BET1: variants seen among roughly 807,000 people sequenced by gnomAD.
The protein encoded by BET1 is BET1 homolog.
A neutral mutation model predicts 13.9 loss-of-function variants in BET1; 9 were observed. The ratio of observed to expected loss-of-function variants is 0.65; its 90% confidence interval spans 0.39 to 1.13. BET1 has a LOEUF of 1.13. Among genes scored for constraint, BET1 ranks in the 50% most tolerant of loss-of-function variants. BET1 has a pLI of 0.01. For missense variants in BET1, 127 were observed against 133.6 expected (o/e 0.95, Z 0.24); for synonymous variants, 39 against 47.3 (o/e 0.82, Z 0.72).
At chr7:93,979,707 G>A (rs1795395578) in intron 4 of BET1, among the ~76,000 whole-genome samples, 1 of 152,150 alleles carries the variant, frequency 6.6e-6, no homozygotes, top group Non-Finnish European at 1.5e-5. Flanking sequence ...TTGGGAGGAA[G>A]TTTCCATCTC....
At chr7:93,975,809 C>T (rs73229333) in intron 5 of BET1, 5,682 of 520,382 alleles carry the variant, frequency 0.011, 49 homozygotes, top group Non-Finnish European at 0.013. Flanking sequence ...TCATGATGTT[C>T]TCTTTTAATA....
chr7:93,986,107 T>G (rs1221739636), intron 4 of BET1, among the ~76,000 whole-genome samples: 1 of 152,186 alleles, frequency 6.6e-6, no homozygotes, highest in South Asian at 2.1e-4. Flanking sequence ...GAAAAACAAA[T>G]CTGTTCGGTT....
intron 1 of BET1, chr7:93,999,548 C>T (rs762808750): frequency 6.4e-6 from 3 of 471,000 alleles, no homozygotes; most frequent in Non-Finnish European, 1.2e-5. Context: ...TATTGATTGT[C>T]CAGAAGATAC....
At position 93,994,162 on chromosome 7, in the gene BET1, T is replaced by G; in HGVS notation, c.*68A>C. Reference sequence around the variant, plus strand: ...TTGAACACTAGGAATGTTTTGATGCTGATTTTTATCAAAGTGGTACTGCAA... The same window carrying G: ...TTGAACACTAGGAATGTTTTGATGCGGATTTTTATCAAAGTGGTACTGCAA... On this transcript the variant is annotated 3_prime_UTR_variant, in exon 4 of 4. Transcript: ENST00000222547. 15 of 1,526,598 alleles carry G rather than the reference T, an allele frequency of 9.8e-6. No homozygotes were observed. Among genetic ancestry groups the G allele is most frequent in the Non-Finnish European group, 1.1e-5 (13 of 1,141,576 alleles). The allele number at this position is 1,526,598 out of a possible 1,614,324, so 94.6% of individuals were successfully genotyped here. A position where few individuals can be genotyped will look rare whatever the true frequency, so the allele number is the denominator to read the frequency against.
At chr7:93,974,791 C>T (rs1184891709) in intron 5 of BET1, among the ~76,000 whole-genome samples, 4 of 151,806 alleles carry the variant, frequency 2.6e-5, no homozygotes, top group African/African-American at 4.8e-5. Context: ...ATAATATTTG[C>T]ATTTGAAAGT....
Position 93,993,441 on chromosome 7 carries a change from G to A in BET1, c.*789C>T. Reference sequence around the variant, plus strand: ...TTCAAGTTCAATGCCTGAGTTTCTTGCATACTATTTCCATTTAAAGTTCAG... The same window carrying A: ...TTCAAGTTCAATGCCTGAGTTTCTTACATACTATTTCCATTTAAAGTTCAG... On this transcript the variant is annotated 3_prime_UTR_variant, in exon 4 of 4. Coordinates refer to ENST00000222547, the MANE Select transcript of BET1 (RefSeq NM_005868.6). The A allele has an allele frequency of 1.0e-6, 1 of 983,158 alleles. No homozygotes were observed. Among genetic ancestry groups the A allele is most frequent in the Non-Finnish European group, 1.2e-6 (1 of 827,290 alleles). 60.9% of individuals were successfully genotyped at this position (983,158 alleles called of 1,614,324 possible). A position where few individuals can be genotyped will look rare whatever the true frequency, so the allele number is the denominator to read the frequency against.
intron 6 of BET1, chr7:93,969,661 C>T (rs1401701980): frequency 4.0e-5 from 6 of 151,764 alleles, no homozygotes; most frequent in African/African-American, 1.4e-4. Context: ...CACATGCTGA[C>T]TTCATGTAAG....
At chr7:93,986,753 C>A (rs146939509) in intron 4 of BET1, among the ~76,000 whole-genome samples, 1 of 152,180 alleles carries the variant, frequency 6.6e-6, no homozygotes. Flanking sequence ...AATTCCTATC[C>A]CCTAGTGATG....
intron 2 of BET1, 99 bp from the exon 3 acceptor site, chr7:93,996,420 T>C: frequency 1.2e-6 from 1 of 834,836 alleles, no homozygotes; most frequent in Non-Finnish European, 1.8e-6. Context: ...TTTTCTGAAA[T>C]GAAACGGTCT....
At chr7:93,968,208 T>G (rs1319175619) in intron 6 of BET1, 1 of 151,850 alleles carries the variant, frequency 6.6e-6, no homozygotes, top group East Asian at 1.9e-4. Flanking sequence ...CTTCAATTAT[T>G]TTTAGAAAGA....
chr7:93,963,068 G>A (rs1172583542), exon 7 of BET1: 1 of 152,090 alleles, frequency 6.6e-6, no homozygotes, highest in African/African-American at 2.4e-5. Flanking sequence ...ACTTCATCAA[G>A]CCCATGTCAC....
chr7:93,988,304 G>T (rs1333103318), downstream of BET1, among the ~76,000 whole-genome samples: 1 of 152,058 alleles, frequency 6.6e-6, no homozygotes, highest in South Asian at 2.1e-4. Flanking sequence ...ATCTCTAAAA[G>T]AATTGAAACA....
chr7:93,975,798 G>T, intron 5 of BET1: 2 of 449,466 alleles, frequency 4.4e-6, no homozygotes, highest in Non-Finnish European at 6.3e-6. Flanking sequence ...ATTGAAGAAT[G>T]TCATGATGTT....
chr7:94,002,863 C>G (rs1795941108), intron 1 of BET1, among the ~76,000 whole-genome samples: 1 of 152,218 alleles, frequency 6.6e-6, no homozygotes, highest in African/African-American at 2.4e-5. Flanking sequence ...CTTCAAATTC[C>G]TATGTCTCCA....
At chr7:93,973,413 T>C (rs1236815590) in intron 5 of BET1, among the ~76,000 whole-genome samples, 1 of 151,974 alleles carries the variant, frequency 6.6e-6, no homozygotes, top group Non-Finnish European at 1.5e-5. Context: ...AGGAAGGTTT[T>C]GGGATCCTCA....
At chr7:93,988,944 C>T (rs551029204), downstream of BET1, among the ~76,000 whole-genome samples, 1 of 146,020 alleles carries the variant, frequency 6.8e-6, no homozygotes, top group Admixed American at 6.9e-5. Flanking sequence ...TATATATAAA[C>T]ATATAAATAT....
At chr7:93,973,305 T>C (rs1412049425) in intron 5 of BET1, among the ~76,000 whole-genome samples, 1 of 151,946 alleles carries the variant, frequency 6.6e-6, no homozygotes, top group Non-Finnish European at 1.5e-5. Flanking sequence ...TTAGATCTCC[T>C]ATAGCTGTTG....
At chr7:93,993,074 A>C (rs1347945430), downstream of BET1, 5 of 980,334 alleles carry the variant, frequency 5.1e-6, no homozygotes, top group Non-Finnish European at 6.1e-6. Context: ...TTCATAACCC[A>C]AAATATAAAG....
At position 93,993,435 on chromosome 7, in the gene BET1, T is replaced by C; in HGVS notation, c.*795A>G. On this transcript the variant is annotated 3_prime_UTR_variant, in exon 4 of 4. Transcript: ENST00000222547. ...CTTATCTTCAAGTTCAATGCCTGAGTTTCTTGCATACTATTTCCATTTAAA... is the reference window on the plus strand; with the variant it reads ...CTTATCTTCAAGTTCAATGCCTGAGCTTCTTGCATACTATTTCCATTTAAA... 1.0e-6 allele frequency: 1 copy of C among 983,770 alleles called. No individual in the cohort carries two copies. The highest frequency in any genetic ancestry group is 1.2e-6 in the Non-Finnish European group (1 of 827,878). The allele number at this position is 983,770 out of a possible 1,614,324, so 60.9% of individuals were successfully genotyped here. A position where few individuals can be genotyped will look rare whatever the true frequency, so the allele number is the denominator to read the frequency against.
Sources: gnomAD v4.1 joint callset for allele counts (sites outside exome capture counted in the v4.1 genomes callset) on GRCh38, gnomAD v4.1.1 for gene constraint, MANE v1.5 for transcripts, NCBI Gene and HGNC (gene_info 2026-07-23, HGNC 2026-07-21) for gene names.